The following CDH13 variants were observed in gnomAD, a reference collection of about 807,000 sequenced individuals.
CDH13 encodes the protein cadherin 13, also known as cadherin-13.
A neutral mutation model predicts 63.8 loss-of-function variants in CDH13; 24 were observed. The observed-to-expected ratio is 0.38, with a 90% confidence interval of 0.27 to 0.53. CDH13 has a LOEUF of 0.53. Among genes scored for constraint, CDH13 ranks in the 20% least tolerant of loss-of-function variants. The probability of loss-of-function intolerance (pLI) is 0.85; values close to 1 mark genes in which losing one functional copy is unlikely to be tolerated. For synonymous variants in CDH13, 503 were observed against 355.3 expected, an observed-to-expected ratio of 1.42 and a Z score of -4.67; for missense variants, 1,049 against 903.1, an observed-to-expected ratio of 1.16 and a Z score of -2.07.
At chr16:83,603,272 C>T (rs1908020418) in intron 8 of CDH13, among the ~76,000 whole-genome samples, 1 of 152,198 alleles carries the variant, frequency 6.6e-6, no homozygotes, top group African/African-American at 2.4e-5. Flanking sequence ...CTTTAGGGGC[C>T]TGGGCCAGGG....
At chr16:82,816,163 C>T (rs1248754590) in intron 1 of CDH13, among the ~76,000 whole-genome samples, 10 of 152,102 alleles carry the variant, frequency 6.6e-5, no homozygotes, top group Non-Finnish European at 1.0e-4. Flanking sequence ...CTCTCTCTTA[C>T]GTACATACAA....
chr16:83,790,477 G>A (rs925598240), intron 13 of CDH13, among the ~76,000 whole-genome samples: 8 of 152,044 alleles, frequency 5.3e-5, no homozygotes, highest in Non-Finnish European at 1.2e-4. Flanking sequence ...TCTGCTCACC[G>A]CAAGCTCCAC....
intron 5 of CDH13, among the ~76,000 whole-genome samples, chr16:83,261,580 A>G (rs778658564): frequency 3.3e-5 from 5 of 152,162 alleles, no homozygotes; most frequent in Non-Finnish European, 5.9e-5. Flanking sequence ...ATGTGGCTCA[A>G]CATCCTGCAA....
rs1008208300 is a variant in CDH13 at position 83,799,355 on chromosome 16, C to T, written c.*4325C>T. 2 of 151,078 alleles carry T rather than the reference C, an allele frequency of 1.3e-5. No individual in the cohort carries two copies. The highest frequency in any genetic ancestry group is 2.9e-5 in the Non-Finnish European group (2 of 67,898). 9.4% of individuals were successfully genotyped at this position (151,078 alleles called of 1,614,324 possible). On this transcript the variant is annotated 3_prime_UTR_variant, in exon 14 of 14. Transcript: ENST00000567109. ...GGAAATTTATGAACTCCAGAGTACCCATTCACTACCAAACCAACTGAGGGG... is the reference window on the plus strand; with the variant it reads ...GGAAATTTATGAACTCCAGAGTACCTATTCACTACCAAACCAACTGAGGGG...
intron 1 of CDH13, among the ~76,000 whole-genome samples, chr16:82,745,215 A>G (rs759151372): frequency 6.6e-6 from 1 of 152,168 alleles, no homozygotes; most frequent in South Asian, 2.1e-4. Context: ...GCGTGGGGCG[A>G]TGCCATTCCA....
chr16:83,477,857 C>G (rs1482512823), intron 6 of CDH13, among the ~76,000 whole-genome samples: 1 of 152,070 alleles, frequency 6.6e-6, no homozygotes, highest in Non-Finnish European at 1.5e-5. Flanking sequence ...GAACTAGTGT[C>G]TAAAAATCCA....
intron 4 of CDH13, among the ~76,000 whole-genome samples, chr16:83,138,668 C>T (rs1043836285): frequency 2.0e-5 from 3 of 152,222 alleles, no homozygotes; most frequent in South Asian, 2.1e-4. Context: ...CCTTTTTCTA[C>T]GGATGACTAA....
intron 6 of CDH13, among the ~76,000 whole-genome samples, chr16:83,356,638 A>T (rs553209692): frequency 1.7e-4 from 26 of 152,250 alleles, no homozygotes; most frequent in Middle Eastern, 3.4e-3. Context: ...ATATATATAC[A>T]GTAAGATTTT....
At position 83,621,636 on chromosome 16, in the gene CDH13, GC is replaced by G. The variant is rs1287354416; in HGVS notation, c.1101+19044del. 2.6e-5 allele frequency among the ~76,000 whole-genome samples: 4 copies of G among 151,594 alleles called. No homozygotes were observed. The East Asian group carries it at 5.8e-4, about 22-fold the overall frequency. ...TGAGTAGCTGGAATTACAGGCATGT[GC>G]CACCATACCCGGCTAATTTTTGTAT... On this transcript the variant is annotated intron_variant, in intron 8 of 13. Transcript: ENST00000567109.
chr16:83,588,667 A>G (rs1377330743), intron 7 of CDH13, among the ~76,000 whole-genome samples: 1 of 152,246 alleles, frequency 6.6e-6, no homozygotes, highest in South Asian at 2.1e-4. Flanking sequence ...CTTCTCCGGT[A>G]CTTGATATTT....
chr16:83,094,937 A>G (rs1441742016), intron 3 of CDH13, among the ~76,000 whole-genome samples: 1 of 152,166 alleles, frequency 6.6e-6, no homozygotes. Flanking sequence ...GATGATGATC[A>G]TCATCATCCT....
chr16:82,743,996 G>A (rs1437491254), intron 1 of CDH13, among the ~76,000 whole-genome samples: 4 of 152,216 alleles, frequency 2.6e-5, no homozygotes, highest in African/African-American at 9.6e-5. Context: ...GGAGAAAACA[G>A]TGAACAAGAT....
chr16:82,819,288 T>C (rs541142347), intron 1 of CDH13, among the ~76,000 whole-genome samples: 48 of 152,332 alleles, frequency 3.2e-4, no homozygotes, highest in African/African-American at 1.1e-3. Flanking sequence ...CAAGTAACTT[T>C]CCAGATAAAG....
intron 7 of CDH13, among the ~76,000 whole-genome samples, chr16:83,538,590 G>A (rs925299316): frequency 2.6e-5 from 4 of 152,234 alleles, no homozygotes; most frequent in Non-Finnish European, 4.4e-5. Context: ...TGGGTGAGTT[G>A]AGGAAGTATG....
At chr16:82,721,547 G>T (rs146308002) in intron 1 of CDH13, among the ~76,000 whole-genome samples, 2,356 of 152,240 alleles carry the variant, frequency 0.015, 31 homozygotes, top group Non-Finnish European at 0.022. Flanking sequence ...AGGAAGAAAG[G>T]TACTCCAGGT....
Position 83,614,937 on chromosome 16 carries a change from G to A in CDH13, c.1101+12343G>A, listed in dbSNP as rs112388094. 1.1e-3 allele frequency among the ~76,000 whole-genome samples: 173 copies of A among 152,184 alleles called. 1 individual carries two copies. Among genetic ancestry groups the A allele is most frequent in the Admixed American group, 2.4e-3 (37 of 15,286 alleles). Reference sequence around the variant, plus strand: ...GAAGTGTCTCCTACTTGATGATATCGATAAGCAAGAAGGGAACTCTAAATC... The same window carrying A: ...GAAGTGTCTCCTACTTGATGATATCAATAAGCAAGAAGGGAACTCTAAATC... On this transcript the variant is annotated intron_variant, in intron 8 of 13. Coordinates refer to ENST00000567109, the MANE Select transcript of CDH13 (RefSeq NM_001257.5).
intron 5 of CDH13, among the ~76,000 whole-genome samples, chr16:83,342,962 G>A (rs2090760952): frequency 7.5e-6 from 1 of 133,426 alleles, no homozygotes; most frequent in African/African-American, 2.8e-5. Context: ...TATTTTGATT[G>A]ATTTCCTTTG....
intron 10 of CDH13, chr16:83,735,229 A>T (rs1911430592): frequency 6.6e-6 from 1 of 152,178 alleles, no homozygotes; most frequent in Non-Finnish European, 1.5e-5. Flanking sequence ...CCCTGCATTT[A>T]TAAAGAGATT....
intron 6 of CDH13, among the ~76,000 whole-genome samples, chr16:83,366,826 C>G (rs764052341): frequency 6.6e-6 from 1 of 152,064 alleles, no homozygotes; most frequent in Admixed American, 6.6e-5. Flanking sequence ...CTTAGGAACT[C>G]TCAAAAAAGT....
Sources: allele counts gnomAD v4.1 joint callset (sites outside exome capture counted in the v4.1 genomes callset), GRCh38; gene constraint gnomAD v4.1.1; transcripts MANE v1.5; gene names NCBI Gene and HGNC (gene_info 2026-07-23, HGNC 2026-07-21).